The following SLC27A6 variants were observed in gnomAD, a reference collection of about 807,000 sequenced individuals.
The protein encoded by SLC27A6 is long-chain fatty acid transport protein 6.
SLC27A6 carries 74 observed loss-of-function variants against 63.9 expected under a neutral mutation model. The observed-to-expected ratio is 1.16, with a 90% CI of 0.96 to 1.40. The LOEUF is 1.40. Ranked by LOEUF, SLC27A6 falls within the 40% of genes most tolerant of loss-of-function variation. The probability of loss-of-function intolerance (pLI) is 0.00; values close to 1 mark genes in which losing one functional copy is unlikely to be tolerated. For synonymous variants in SLC27A6, 287 were observed against 260.8 expected (o/e 1.10, Z -0.97); for missense variants, 794 against 732.9 (o/e 1.08, Z -0.96).
intron 5 of SLC27A6, among the ~76,000 whole-genome samples, chr5:129,017,077 A>G (rs775036578): frequency 1.3e-5 from 2 of 152,240 alleles, no homozygotes; most frequent in Non-Finnish European, 2.9e-5. Flanking sequence ...AATCTTCAGT[A>G]ACCTTCTATA....
At chr5:128,970,921 T>C (rs1750130192) in intron 1 of SLC27A6, among the ~76,000 whole-genome samples, 1 of 152,224 alleles carries the variant, frequency 6.6e-6, no homozygotes, top group Non-Finnish European at 1.5e-5. Context: ...CTCTACACAC[T>C]GCTTTAAATG....
chr5:129,033,013 T>C (rs1752458640), intron 9 of SLC27A6, 93 bp from the exon 10 acceptor site: 1 of 666,582 alleles, frequency 1.5e-6, no homozygotes, highest in Non-Finnish European at 2.3e-6. Context: ...ATATAAAGTG[T>C]CATAATTTAA....
chr5:128,980,754 A>C (rs1409895133), intron 1 of SLC27A6, among the ~76,000 whole-genome samples: 1 of 152,238 alleles, frequency 6.6e-6, no homozygotes, highest in East Asian at 1.9e-4. Flanking sequence ...TATTAGGTTT[A>C]TTAGTGCATA....
intron 6 of SLC27A6, among the ~76,000 whole-genome samples, chr5:129,026,223 T>C (rs945376302): frequency 6.6e-6 from 1 of 152,172 alleles, no homozygotes; most frequent in African/African-American, 2.4e-5. Context: ...TGCATCACTT[T>C]ACAGCAGGCA....
rs1277847353 is a variant in SLC27A6, at chr5:129,028,323, G to A, written c.1455-22G>A. On this transcript the variant is annotated intron_variant, in intron 7 of 9. Transcript: ENST00000262462. ...TTTTCAAATACAGGTGCACTAACTG[G>A]AATTTGATTTTTTTCATTTAGATGG... 6 of 1,533,474 alleles carry A rather than the reference G, an allele frequency of 3.9e-6. No homozygotes were observed. The Admixed American group carries it at 6.7e-5, about 17-fold the overall frequency. The allele number at this position is 1,533,474 out of a possible 1,614,324, so 95.0% of individuals were successfully genotyped here.
intron 4 of SLC27A6, among the ~76,000 whole-genome samples, chr5:129,012,853 A>G (rs1751769138): frequency 6.6e-6 from 1 of 152,004 alleles, no homozygotes; most frequent in South Asian, 2.1e-4. Context: ...TTTTTCATAA[A>G]CAGGATATAG....
At position 128,966,497 on chromosome 5, in the gene SLC27A6, C is replaced by T. The variant is rs770891129; in HGVS notation, c.360C>T (p.His120=). ...LLMSNEPDFV[H]VWFGLAKLGC... ...TGAGCAATGAGCCGGACTTCGTTCA[C>T]GTGTGGTTCGGCCTCGCCAAGCTGG... The change falls in exon 1 of 10, where the codon CAC becomes CAT. Residue 120 remains histidine, a synonymous_variant. Transcript: ENST00000262462. 1.4e-5 allele frequency: 23 copies of T among 1,608,536 alleles called. No individual in the cohort carries two copies. Among genetic ancestry groups the T allele is most frequent in the African/African-American group, 2.7e-5 (2 of 74,872 alleles).
rs766735538 is a variant in SLC27A6 at position 128,988,693 on chromosome 5, A to G, written c.779A>G (p.Tyr260Cys). Residue 260 changes from tyrosine (Y) to cysteine (C), a missense_variant, in exon 3 of 10, where the codon TAT (tyrosine) becomes TGT (cysteine). Coordinates refer to ENST00000262462, the MANE Select transcript of SLC27A6 (RefSeq NM_001017372.3). ...AFGCTAHDIV[Y>C]ITLPLYHSSA... ...GGTTGTACTGCTCATGACATTGTTT[A>G]TATAACCCTTCCTCTGTATCATAGT... 1.2e-6 allele frequency: 2 copies of G among 1,613,846 alleles called. No homozygotes were observed. Among genetic ancestry groups the G allele is most frequent in the Non-Finnish European group, 8.5e-7 (1 of 1,179,816 alleles).
chr5:128,976,805 G>A (rs1283794887), intron 1 of SLC27A6, among the ~76,000 whole-genome samples: 1 of 152,204 alleles, frequency 6.6e-6, no homozygotes, highest in Non-Finnish European at 1.5e-5. Context: ...TTCAAAATAT[G>A]TTGAACAGCA....
chr5:129,005,810 C>T (rs1055597909), intron 4 of SLC27A6, among the ~76,000 whole-genome samples: 1 of 151,488 alleles, frequency 6.6e-6, no homozygotes, highest in Non-Finnish European at 1.5e-5. Context: ...GACGGGGTTT[C>T]ACGGTGTTAG....
chr5:129,019,136 T>C (rs1304474816), intron 5 of SLC27A6, among the ~76,000 whole-genome samples: 1 of 152,096 alleles, frequency 6.6e-6, no homozygotes, highest in Non-Finnish European at 1.5e-5. Flanking sequence ...TATAACCCAT[T>C]GTCTTTATGT....
At chr5:129,001,913 CT>C (rs1193655098) in intron 4 of SLC27A6, among the ~76,000 whole-genome samples, 3 of 152,142 alleles carry the variant, frequency 2.0e-5, no homozygotes, top group African/African-American at 7.2e-5. Flanking sequence ...TAAATAAATT[CT>C]TGACCTTGTA....
At chr5:129,001,292 A>G (rs1394079043) in intron 4 of SLC27A6, among the ~76,000 whole-genome samples, 1 of 152,072 alleles carries the variant, frequency 6.6e-6, no homozygotes, top group Non-Finnish European at 1.5e-5. Flanking sequence ...GCCCCAGTTT[A>G]TGCCTATTTT....
At chr5:129,028,251 G>A in intron 7 of SLC27A6, 94 bp from the exon 8 acceptor site, 1 of 766,788 alleles carries the variant, frequency 1.3e-6, no homozygotes, top group Non-Finnish European at 2.3e-6. Context: ...GTAGGTGCTT[G>A]CACAGTGCCA....
In SLC27A6 at chr5:128,966,533, G is replaced by T. The variant is rs1220101189; in HGVS notation, c.396G>T (p.Val132=). ...WFGLAKLGCV[V]AFLNTNIRSN... ...GCCTCGCCAAGCTGGGCTGCGTGGT[G>T]GCCTTTCTCAACACCAACATTCGCT... The change falls in exon 1 of 10, where the codon GTG becomes GTT. Residue 132 remains valine (V), a synonymous_variant. Transcript: ENST00000262462. 6.3e-7 allele frequency: 1 copy of T among 1,593,054 alleles called. No homozygotes were observed. Among genetic ancestry groups the T allele is most frequent in the Admixed American group, 1.8e-5 (1 of 56,400 alleles).
rs1750935717 is a variant in SLC27A6 at position 128,990,370 on chromosome 5, C to T, written c.875C>T (p.Ser292Leu). The T allele has an allele frequency of 6.2e-7, 1 of 1,613,722 alleles. No homozygotes were observed. Among genetic ancestry groups the T allele is most frequent in the Non-Finnish European group, 8.5e-7 (1 of 1,179,924 alleles). Residue 292 changes from serine to leucine, a missense_variant, in exon 4 of 10, where the codon TCA (serine) becomes TTA (leucine). Coordinates refer to ENST00000262462, the MANE Select transcript of SLC27A6 (RefSeq NM_001017372.3). ...ACTTGTGTGTTAAAGAAGAAATTTT[C>T]AGCAAGCCAGTTTTGGAGTGACTGC... ...GATCVLKKKF[S>L]ASQFWSDCKK...
Position 129,015,933 on chromosome 5 carries a change from A to C in SLC27A6, c.1018A>C (p.Ile340Leu). The part of the protein sequence containing the change: ...HKVRLAIGNG[I>L]RSDVWREFLD... ...GGTGCGTTTGGCAATTGGAAATGGC[A>C]TACGGAGTGATGTATGGAGAGAATT... Residue 340 changes from isoleucine (I) to leucine (L), a missense_variant, in exon 5 of 10, where the codon ATA becomes CTA. Ile to Leu is a conservative substitution (Grantham distance 5, BLOSUM62 2). Coordinates refer to ENST00000262462, the MANE Select transcript of SLC27A6 (RefSeq NM_001017372.3). 1 of 1,603,532 alleles carries C rather than the reference A, an allele frequency of 6.2e-7. No homozygotes were observed. The highest frequency in any genetic ancestry group is 8.5e-7 in the Non-Finnish European group (1 of 1,175,908).
chr5:129,023,452 ATATT>A (rs1382671678), intron 5 of SLC27A6, among the ~76,000 whole-genome samples, 164 bp from the exon 6 acceptor site: 1 of 152,138 alleles, frequency 6.6e-6, no homozygotes, highest in Non-Finnish European at 1.5e-5. Context: ...TGATTTTTAA[ATATT>A]TATTTAATTT....
intron 9 of SLC27A6, among the ~76,000 whole-genome samples, chr5:129,032,040 A>G (rs1335491497): frequency 3.9e-5 from 6 of 151,972 alleles, no homozygotes; most frequent in African/African-American, 1.4e-4. Context: ...TCACTTAAAC[A>G]GACTGTTTAT....
Sources: gnomAD v4.1 joint callset for allele counts (sites outside exome capture counted in the v4.1 genomes callset) on GRCh38, gnomAD v4.1.1 for gene constraint, MANE v1.5 for transcripts, NCBI Gene and HGNC (gene_info 2026-07-23, HGNC 2026-07-21) for gene names.